Variants in NFIL3 observed in about 807,000 individuals in gnomAD.
NFIL3 encodes the protein nuclear factor, interleukin 3 regulated, also known as nuclear factor interleukin-3-regulated protein.
A neutral mutation model predicts 10.0 loss-of-function variants in NFIL3; 5 were observed. The ratio of observed to expected loss-of-function variants is 0.50; its 90% CI spans 0.26 to 1.06. The LOEUF (loss-of-function observed/expected upper bound fraction) is 1.06, where lower values mean the gene tolerates loss of function less well. Ranked by LOEUF, NFIL3 falls within the 50% of genes least tolerant of loss-of-function variation. The pLI, the probability that NFIL3 is intolerant of heterozygous loss-of-function variation, is 0.13. For synonymous variants in NFIL3, 202 were observed against 206.5 expected (o/e 0.98, Z 0.19); for missense variants, 436 against 547.6 (o/e 0.80, Z 2.03).
At chr9:91,448,481 C>T in the NFIL3 span, among the ~76,000 whole-genome samples, 19 of 152,308 alleles carry the variant, frequency 1.2e-4, no homozygotes, top group South Asian at 1.5e-3. Flanking sequence ...ACAGCAAGAA[C>T]TCACCTCTGA....
chr9:91,410,868 C>T lies in NFIL3; in HGVS notation c.-134G>A, dbSNP rs1315160060. On this transcript the variant is annotated 5_prime_UTR_variant, in exon 2 of 2. Transcript: ENST00000297689. The surrounding 1 kb of genome is among the most constrained non-coding windows in gnomAD (Gnocchi z 5.7). ...GTTCTACCGTCTGGGATAAATCCGT[C>T]AGGCTCCTTATTGAATGAAGTTGGG... The T allele has an allele frequency of 3.2e-6, 3 of 940,806 alleles. No individual in the cohort carries two copies. The highest frequency in any genetic ancestry group is 4.6e-6 in the Non-Finnish European group (3 of 651,726). 58.3% of individuals were successfully genotyped at this position (940,806 alleles called of 1,614,324 possible).
chr9:91,479,447 A>G, the NFIL3 span, among the ~76,000 whole-genome samples: 1 of 152,162 alleles, frequency 6.6e-6, no homozygotes, highest in Non-Finnish European at 1.5e-5. Flanking sequence ...TTACACTGTG[A>G]GGAGAAAACC....
upstream of NFIL3, chr9:91,426,935 A>G (rs1833878867): frequency 6.6e-6 from 1 of 152,236 alleles, no homozygotes; most frequent in African/African-American, 2.4e-5. Context: ...TCAGATGGAT[A>G]ATGAGAATTC....
chr9:91,459,769 C>T, the NFIL3 span, among the ~76,000 whole-genome samples: 3 of 152,046 alleles, frequency 2.0e-5, no homozygotes, highest in African/African-American at 7.2e-5. Context: ...ATCCTTGATG[C>T]GGGTACTGAT....
Position 91,409,240 on chromosome 9 carries a change from A to G in NFIL3, c.*106T>C. On this transcript the variant is annotated 3_prime_UTR_variant, in exon 2 of 2. Transcript: ENST00000297689. Reference sequence around the variant, plus strand: ...CAAACAGACAACATGTGCACATCACAGTGAAATGACATCACAGGTCCAGTG... The same window carrying G: ...CAAACAGACAACATGTGCACATCACGGTGAAATGACATCACAGGTCCAGTG... 2 of 1,043,368 alleles carry G rather than the reference A, an allele frequency of 1.9e-6. No individual in the cohort carries two copies. Among genetic ancestry groups the G allele is most frequent in the South Asian group, 1.7e-5 (1 of 60,412 alleles). 64.6% of individuals were successfully genotyped at this position (1,043,368 alleles called of 1,614,324 possible).
chr9:91,465,585 A>G, the NFIL3 span, among the ~76,000 whole-genome samples: 1 of 151,672 alleles, frequency 6.6e-6, no homozygotes, highest in African/African-American at 2.4e-5. Context: ...CAATTTCACC[A>G]TTTGTGTCAT....
the NFIL3 span, among the ~76,000 whole-genome samples, chr9:91,457,641 T>C: frequency 6.6e-6 from 1 of 152,040 alleles, no homozygotes; most frequent in Non-Finnish European, 1.5e-5. Flanking sequence ...TAGAGACAGT[T>C]TTACTTCTTC....
the NFIL3 span, among the ~76,000 whole-genome samples, chr9:91,450,515 A>G: frequency 3.3e-5 from 5 of 152,216 alleles, no homozygotes; most frequent in East Asian, 5.8e-4. Flanking sequence ...GAATTTTCCA[A>G]TTTTCACAGG....
chr9:91,467,773 G>A, the NFIL3 span, among the ~76,000 whole-genome samples: 4 of 151,538 alleles, frequency 2.6e-5, no homozygotes, highest in African/African-American at 9.7e-5. Context: ...ACCTATGAGT[G>A]AGAACATGCG....
chr9:91,429,127 T>C, the NFIL3 span, among the ~76,000 whole-genome samples: 5 of 152,334 alleles, frequency 3.3e-5, no homozygotes, highest in Non-Finnish European at 5.9e-5. Context: ...CAGGTCCACA[T>C]TGCAATCCAG....
chr9:91,432,113 C>G, the NFIL3 span, among the ~76,000 whole-genome samples: 1 of 152,162 alleles, frequency 6.6e-6, no homozygotes, highest in Admixed American at 6.5e-5. Context: ...TTCCCAGGGG[C>G]TACCGGGGCA....
At chr9:91,423,578 GCCCGCAGCGCGCCCT>G (rs1221002060) in intron 1 of NFIL3, 47 bp downstream of exon 1, 3 of 146,862 alleles carry the variant, frequency 2.0e-5, no homozygotes, top group African/African-American at 7.4e-5. Context: ...CCGCCCGCCC[GCCCGCAGCGCGCCCT>G]GGGAGCGGTC....
the NFIL3 span, among the ~76,000 whole-genome samples, chr9:91,481,509 A>C: frequency 3.9e-5 from 6 of 152,146 alleles, no homozygotes; most frequent in Non-Finnish European, 8.8e-5. Flanking sequence ...GATTGTATAC[A>C]ATACTATAAT....
intron 1 of NFIL3, among the ~76,000 whole-genome samples, chr9:91,411,399 C>A (rs1833545581): frequency 6.6e-6 from 1 of 152,038 alleles, no homozygotes; most frequent in African/African-American, 2.4e-5. Context: ...TAAACTTTAA[C>A]GTGAGTAAAA....
the NFIL3 span, among the ~76,000 whole-genome samples, chr9:91,463,997 A>G: frequency 6.6e-6 from 1 of 152,132 alleles, no homozygotes; most frequent in Non-Finnish European, 1.5e-5. Flanking sequence ...AATATGGTAT[A>G]TCATTCCCCA....
At chr9:91,442,777 C>G in the NFIL3 span, among the ~76,000 whole-genome samples, 1 of 152,236 alleles carries the variant, frequency 6.6e-6, no homozygotes, top group Non-Finnish European at 1.5e-5. Context: ...AGGAACCACA[C>G]AGACCCAAAG....
intron 1 of NFIL3, among the ~76,000 whole-genome samples, chr9:91,419,830 C>T (rs1458236398): frequency 6.6e-6 from 1 of 152,188 alleles, no homozygotes; most frequent in East Asian, 1.9e-4. Flanking sequence ...TGACCTATGT[C>T]GCAAGTGTAA....
chr9:91,423,696 C>T lies in NFIL3; in HGVS notation c.-229G>A, dbSNP rs952039999. On this transcript the variant is annotated 5_prime_UTR_variant, in exon 1 of 2. Transcript: ENST00000297689. ...AGAAAGGGGCGGCCGGGAGTCGGGCCGCCGGCGCTCGGGGCTCGGGCCGGG... is the reference window on the plus strand; with the variant it reads ...AGAAAGGGGCGGCCGGGAGTCGGGCTGCCGGCGCTCGGGGCTCGGGCCGGG... 20 of 145,434 alleles carry T rather than the reference C, an allele frequency of 1.4e-4. No individual in the cohort carries two copies. Among genetic ancestry groups the T allele is most frequent in the African/African-American group, 4.7e-4 (19 of 40,568 alleles). 9.0% of individuals were successfully genotyped at this position (145,434 alleles called of 1,614,324 possible).
chr9:91,425,495 C>T (rs534626299), upstream of NFIL3, among the ~76,000 whole-genome samples: 100 of 152,312 alleles, frequency 6.6e-4, no homozygotes, highest in African/African-American at 2.3e-3. Context: ...AAAACTCAGA[C>T]GTACAATATG....
Sources: gnomAD v4.1 joint callset for allele counts (sites outside exome capture counted in the v4.1 genomes callset) on GRCh38, gnomAD v4.1.1 for gene constraint, Gnocchi (gnomAD v3.1) non-coding constraint, MANE v1.5 for transcripts, NCBI Gene and HGNC (gene_info 2026-07-23, HGNC 2026-07-21) for gene names.